The following ACTR3C variants were observed in gnomAD, a reference collection of about 807,000 sequenced individuals.
ACTR3C encodes actin related protein 3C.
ACTR3C carries 18 observed loss-of-function variants against 26.3 expected under a neutral mutation model. The ratio of observed to expected loss-of-function variants is 0.68; its 90% CI spans 0.47 to 1.01. ACTR3C has a LOEUF of 1.01. ACTR3C is among the 50% of genes least tolerant of loss of function. The pLI, the probability that ACTR3C is intolerant of heterozygous loss-of-function variation, is 0.00. For missense variants in ACTR3C, 184 were observed against 250.7 expected, an observed-to-expected ratio of 0.73 and a Z score of 1.80; for synonymous variants, 55 against 94.5, an observed-to-expected ratio of 0.58 and a Z score of 2.42.
intron 6 of ACTR3C, among the ~76,000 whole-genome samples, chr7:150,265,433 C>T (rs1390451883): frequency 6.6e-6 from 1 of 151,664 alleles, no homozygotes; most frequent in East Asian, 1.9e-4. Context: ...ATGGCTTATG[C>T]CTGTAATCTC....
downstream of ACTR3C, among the ~76,000 whole-genome samples, chr7:150,241,507 T>C (rs1440567636): frequency 6.6e-6 from 1 of 152,148 alleles, no homozygotes; most frequent in African/African-American, 2.4e-5. Flanking sequence ...TATACAAAAT[T>C]TCATTAGAAA....
the ACTR3C span, among the ~76,000 whole-genome samples, chr7:150,129,724 C>T: frequency 1.3e-5 from 2 of 152,024 alleles, no homozygotes; most frequent in East Asian, 1.9e-4. Flanking sequence ...GAGATCTACA[C>T]TCAAATACAC....
chr7:150,080,527 ATGTGTGTGTGTGTGTG>A, the ACTR3C span, among the ~76,000 whole-genome samples: 1 of 142,552 alleles, frequency 7.0e-6, no homozygotes, highest in Non-Finnish European at 1.5e-5. Flanking sequence ...TTGTGTGTGT[ATGTGTGTGTGTGTGTG>A]TGTGTGTGTG....
At chr7:150,027,293 C>T in the ACTR3C span, among the ~76,000 whole-genome samples, 2 of 151,966 alleles carry the variant, frequency 1.3e-5, no homozygotes, top group Admixed American at 6.5e-5. Context: ...TGTTTTGAGA[C>T]GGAGTCTCGC....
At chr7:149,959,107 G>A in the ACTR3C span, among the ~76,000 whole-genome samples, 7 of 151,098 alleles carry the variant, frequency 4.6e-5, no homozygotes, top group African/African-American at 1.2e-4. Context: ...CCTGTGAGAG[G>A]AGAAGTGGAG....
chr7:150,203,557 G>GT, the ACTR3C span, among the ~76,000 whole-genome samples: 5 of 149,650 alleles, frequency 3.3e-5, no homozygotes, highest in African/African-American at 1.0e-4. Flanking sequence ...CTACCTAGGT[G>GT]TTTTTTTCTG....
chr7:150,195,492 C>A, the ACTR3C span, among the ~76,000 whole-genome samples: 1 of 152,128 alleles, frequency 6.6e-6, no homozygotes, highest in African/African-American at 2.4e-5. Context: ...TTTTGTCTAA[C>A]AAAGTCTTTA....
chr7:150,166,652 T>A, the ACTR3C span, among the ~76,000 whole-genome samples: 2 of 150,126 alleles, frequency 1.3e-5, no homozygotes, highest in African/African-American at 2.5e-5. Flanking sequence ...TGAGCCAAGA[T>A]GGTGCCGCTA....
chr7:149,895,980 TTA>T, the ACTR3C span, among the ~76,000 whole-genome samples: 1 of 148,174 alleles, frequency 6.7e-6, no homozygotes, highest in South Asian at 2.1e-4. Context: ...GGCAGATTGC[TTA>T]AGTCTGGGAG....
At chr7:149,930,992 A>G in the ACTR3C span, among the ~76,000 whole-genome samples, 2 of 152,044 alleles carry the variant, frequency 1.3e-5, no homozygotes, top group Non-Finnish European at 2.9e-5. Context: ...CAGCCTCCCA[A>G]GTAGCTGGGA....
chr7:149,922,208 A>T, the ACTR3C span, among the ~76,000 whole-genome samples: 274 of 135,768 alleles, frequency 2.0e-3, 4 homozygotes, highest in African/African-American at 6.2e-3. Context: ...ATTCTACTAA[A>T]TCCTTTGTTC....
At chr7:150,031,288 A>AC in the ACTR3C span, among the ~76,000 whole-genome samples, 7 of 143,786 alleles carry the variant, frequency 4.9e-5, no homozygotes, top group East Asian at 1.3e-3. Flanking sequence ...AAAAAAAAAA[A>AC]CAAATCTGAA....
At chr7:150,151,099 AATG>A in the ACTR3C span, among the ~76,000 whole-genome samples, 1 of 109,968 alleles carries the variant, frequency 9.1e-6, no homozygotes. Context: ...CTTTTATTCT[AATG>A]ATGATATTTT....
the ACTR3C span, among the ~76,000 whole-genome samples, chr7:150,039,166 C>T: frequency 7.2e-4 from 106 of 147,274 alleles, no homozygotes; most frequent in African/African-American, 2.6e-3. Context: ...GGAAGAGGGT[C>T]TGGCTCTCAG....
chr7:150,253,977 G>C (rs1237751321), intron 6 of ACTR3C, among the ~76,000 whole-genome samples: 1 of 151,928 alleles, frequency 6.6e-6, no homozygotes, highest in Non-Finnish European at 1.5e-5. Flanking sequence ...AGGGTACCTA[G>C]CAGTCTGAGC....
the ACTR3C span, among the ~76,000 whole-genome samples, chr7:150,041,019 G>A: frequency 3.3e-5 from 5 of 150,504 alleles, no homozygotes; most frequent in African/African-American, 7.5e-5. Flanking sequence ...GTAGGCTACC[G>A]GCCTCAGCCA....
the ACTR3C span, among the ~76,000 whole-genome samples, chr7:150,082,131 T>C: frequency 1.4e-4 from 21 of 152,340 alleles, no homozygotes; most frequent in African/African-American, 5.1e-4. Flanking sequence ...TTAGAAAGCT[T>C]GTGAACTGTT....
At chr7:150,038,896 C>T in the ACTR3C span, among the ~76,000 whole-genome samples, 11 of 55,380 alleles carry the variant, frequency 2.0e-4, no homozygotes, top group African/African-American at 2.5e-4. Context: ...TGCCTCCCCC[C>T]TGCGATGGGG....
At chr7:150,295,125 G>C in intron 2 of ACTR3C, 127 bp downstream of exon 2, 5 of 1,130,448 alleles carry the variant, frequency 4.4e-6, no homozygotes, top group Non-Finnish European at 5.0e-6. Context: ...GCATGGGGAC[G>C]GGGGAGGGAG....
Sources: allele counts gnomAD v4.1 joint callset (sites outside exome capture counted in the v4.1 genomes callset), GRCh38; gene constraint gnomAD v4.1.1; transcripts MANE v1.5; gene names NCBI Gene and HGNC (gene_info 2026-07-23, HGNC 2026-07-21).